AK5: variants seen among roughly 807,000 people sequenced by gnomAD.
The protein encoded by AK5 is adenylate kinase isoenzyme 5.
Under a neutral mutation model 69.5 loss-of-function variants are expected in AK5, and 27 were observed. The observed-to-expected ratio is 0.39, with a 90% CI of 0.29 to 0.54. AK5 has a LOEUF of 0.54. Among genes scored for constraint, AK5 ranks in the 20% least tolerant of loss-of-function variants. AK5 has a pLI of 0.71. For missense variants in AK5, 531 were observed against 700.4 expected (o/e 0.76, Z 2.73); for synonymous variants, 260 against 244.4 (o/e 1.06, Z -0.60).
chr1:77,523,310 G>A (rs571206220), intron 12 of AK5, among the ~76,000 whole-genome samples: 1 of 152,284 alleles, frequency 6.6e-6, no homozygotes, highest in East Asian at 1.9e-4. Context: ...TCAGCAAGAT[G>A]GGGGTGGGCA....
At chr1:77,363,912 T>C (rs184665049) in intron 6 of AK5, among the ~76,000 whole-genome samples, 4 of 152,348 alleles carry the variant, frequency 2.6e-5, no homozygotes, top group Non-Finnish European at 1.5e-5. Context: ...ATTTCATTTA[T>C]GTTATTCTTT....
intron 8 of AK5, among the ~76,000 whole-genome samples, chr1:77,452,964 A>G (rs1233346126): frequency 6.6e-6 from 1 of 152,242 alleles, no homozygotes; most frequent in Non-Finnish European, 1.5e-5. Context: ...CTAGGAAGCA[A>G]AATTAAATAG....
intron 6 of AK5, among the ~76,000 whole-genome samples, chr1:77,401,718 C>T (rs1274741724): frequency 6.6e-6 from 1 of 152,148 alleles, no homozygotes; most frequent in Non-Finnish European, 1.5e-5. Flanking sequence ...AAACTCATTT[C>T]CGCCATTAAA....
chr1:77,559,137 G>GTGTC lies in AK5; in HGVS notation c.*470_*473dup, dbSNP rs200359662. ...GGACAGCCCTGGGCATCTTCCTTTGGTGTCTGGCTGTTTTGTCAACTCTCA... is the reference window on the plus strand; with the variant it reads ...GGACAGCCCTGGGCATCTTCCTTTGGTGTCTGTCTGGCTGTTTTGTCAACTCTCA... On this transcript the variant is annotated 3_prime_UTR_variant, in exon 14 of 14. Transcript: ENST00000354567. 2.5e-3 allele frequency: 389 copies of GTGTC among 152,936 alleles called. 2 individuals carry two copies. Among genetic ancestry groups the GTGTC allele is most frequent in the African/African-American group, 8.4e-3 (351 of 41,578 alleles). 9.5% of individuals were successfully genotyped at this position (152,936 alleles called of 1,614,324 possible).
At chr1:77,398,550 GTTAA>G (rs1371382914) in intron 6 of AK5, among the ~76,000 whole-genome samples, 1 of 152,164 alleles carries the variant, frequency 6.6e-6, no homozygotes, top group African/African-American at 2.4e-5. Context: ...AAAAGGGTAT[GTTAA>G]TTAATTTAAT....
chr1:77,465,829 T>C (rs985751431), intron 8 of AK5, among the ~76,000 whole-genome samples: 3 of 152,108 alleles, frequency 2.0e-5, no homozygotes, highest in African/African-American at 7.2e-5. Flanking sequence ...AATGATAACA[T>C]CTTACATTTG....
At chr1:77,427,377 G>T (rs1651282951) in intron 8 of AK5, among the ~76,000 whole-genome samples, 1 of 152,020 alleles carries the variant, frequency 6.6e-6, no homozygotes, top group Admixed American at 6.6e-5. Flanking sequence ...ACAATGCTAT[G>T]CCCACGAATT....
In AK5 at chr1:77,482,785, AT is replaced by A. The variant is rs1427067341; in HGVS notation, c.1060-531del. Among the ~76,000 whole-genome samples, 62 of 143,340 alleles carry A rather than the reference AT, an allele frequency of 4.3e-4. No individual in the cohort carries two copies. In the East Asian group the frequency reaches 4.4e-3, roughly 10 times the overall value. 94.0% of individuals were successfully genotyped at this position (143,340 alleles called of 152,430 possible). ...GACTATGTCTCAAAAAAAAAAAAAA[AT>A]GGTAGTTGCTACAGGGGACATGTTG... On this transcript the variant is annotated intron_variant, in intron 8 of 13. Transcript: ENST00000354567.
At chr1:77,471,678 C>T (rs1256309331) in intron 8 of AK5, among the ~76,000 whole-genome samples, 1 of 152,134 alleles carries the variant, frequency 6.6e-6, no homozygotes, top group Non-Finnish European at 1.5e-5. Flanking sequence ...CATTGGAGTG[C>T]CAAAGGACAT....
chr1:77,398,633 A>G (rs1648986088), intron 6 of AK5, among the ~76,000 whole-genome samples: 1 of 152,236 alleles, frequency 6.6e-6, no homozygotes, highest in African/African-American at 2.4e-5. Context: ...GGTGCAGTAG[A>G]GAAAAAACGA....
intron 8 of AK5, among the ~76,000 whole-genome samples, chr1:77,429,514 A>C (rs1651450945): frequency 6.6e-6 from 1 of 152,188 alleles, no homozygotes; most frequent in African/African-American, 2.4e-5. Flanking sequence ...TTGGTGGGCA[A>C]AAGATGGCAC....
intron 3 of AK5, among the ~76,000 whole-genome samples, chr1:77,294,955 GGAGTTCAAGGTTGCAGTGAAC>G (rs1472713748): frequency 6.6e-6 from 1 of 152,034 alleles, no homozygotes; most frequent in African/African-American, 2.4e-5. Flanking sequence ...CTTGAGCCCA[GGAGTTCAAGGTTGCAGTGAAC>G]TCCACTGCAC....
At chr1:77,530,964 T>A (rs1309548008) in intron 12 of AK5, among the ~76,000 whole-genome samples, 1 of 152,100 alleles carries the variant, frequency 6.6e-6, no homozygotes. Context: ...CTCATGTCCT[T>A]GTGCTGGTGG....
chr1:77,480,856 T>A (rs990838348), intron 8 of AK5, among the ~76,000 whole-genome samples: 1 of 152,210 alleles, frequency 6.6e-6, no homozygotes, highest in African/African-American at 2.4e-5. Context: ...GTAATTGATA[T>A]TTTTCCCCTA....
At position 77,489,197 on chromosome 1, in the gene AK5, A is replaced by G. The variant is rs1007693474; in HGVS notation, c.1147+2845A>G. On this transcript the variant is annotated intron_variant, in intron 10 of 13. Transcript: ENST00000354567. ...AGCACAGTAGAAGATCTTTGGAATT[A>G]GACAAAGCTCGAAACCTCCAAGGGT... 6.6e-5 allele frequency among the ~76,000 whole-genome samples: 10 copies of G among 152,210 alleles called. 1 individual carries two copies. Among genetic ancestry groups the G allele is most frequent in the African/African-American group, 2.4e-4 (10 of 41,450 alleles).
intron 10 of AK5, among the ~76,000 whole-genome samples, chr1:77,486,984 C>T (rs1909203): frequency 0.21 from 32,158 of 152,140 alleles, 3,647 homozygotes; most frequent in African/African-American, 0.24. Context: ...TGACCCCCTC[C>T]TTCCTAAACT....
chr1:77,436,740 C>T (rs963696813), intron 8 of AK5, among the ~76,000 whole-genome samples: 1 of 151,852 alleles, frequency 6.6e-6, no homozygotes, highest in Admixed American at 6.6e-5. Flanking sequence ...TTATTTTTAA[C>T]AATTATAACT....
At chr1:77,388,856 G>T (rs1253504110) in intron 6 of AK5, among the ~76,000 whole-genome samples, 1 of 152,158 alleles carries the variant, frequency 6.6e-6, no homozygotes, top group Non-Finnish European at 1.5e-5. Context: ...GACTGGAAGG[G>T]CTGCTGTTGC....
chr1:77,488,273 T>C (rs1345253677), intron 10 of AK5, among the ~76,000 whole-genome samples: 1 of 152,230 alleles, frequency 6.6e-6, no homozygotes, highest in Non-Finnish European at 1.5e-5. Context: ...TATATATTGC[T>C]TATATCTCTT....
Sources: gnomAD v4.1 joint callset for allele counts (sites outside exome capture counted in the v4.1 genomes callset) on GRCh38, gnomAD v4.1.1 for gene constraint, MANE v1.5 for transcripts, NCBI Gene and HGNC (gene_info 2026-07-23, HGNC 2026-07-21) for gene names.